The following MAGI2 variants were observed in gnomAD, a reference collection of about 807,000 sequenced individuals.
MAGI2 encodes membrane-associated guanylate kinase, WW and PDZ domain-containing protein 2.
MAGI2 carries 35 observed loss-of-function variants against 133.3 expected under a neutral mutation model. The observed-to-expected ratio is 0.26, with a 90% confidence interval of 0.20 to 0.35. The LOEUF is 0.35. MAGI2 is among the 10% of genes least tolerant of loss of function. The pLI is 1.00. For synonymous variants in MAGI2, 729 were observed against 710.6 expected (o/e 1.03, Z -0.41); for missense variants, 1,636 against 1,863.4 (o/e 0.88, Z 2.25).
At chr7:79,302,843 C>T (rs1021492079) in intron 1 of MAGI2, among the ~76,000 whole-genome samples, 2 of 152,140 alleles carry the variant, frequency 1.3e-5, no homozygotes, top group South Asian at 2.1e-4. Flanking sequence ...TCAAACACCA[C>T]ATTGCAACTG....
intron 16 of MAGI2, among the ~76,000 whole-genome samples, chr7:78,135,628 C>T (rs910497993): frequency 6.6e-6 from 1 of 152,142 alleles, no homozygotes; most frequent in Non-Finnish European, 1.5e-5. Flanking sequence ...CCCATGAGCT[C>T]ATATTCTAGG....
At chr7:78,672,264 AC>A (rs1814478028) in intron 2 of MAGI2, among the ~76,000 whole-genome samples, 1 of 151,366 alleles carries the variant, frequency 6.6e-6, no homozygotes, top group Non-Finnish European at 1.5e-5. Flanking sequence ...AGAGGCTGGG[AC>A]CTCCCCCCTC....
At chr7:78,828,394 C>A (rs879697804) in intron 2 of MAGI2, among the ~76,000 whole-genome samples, 6 of 152,106 alleles carry the variant, frequency 3.9e-5, no homozygotes, top group Non-Finnish European at 5.9e-5. Context: ...CTTCTATGGA[C>A]CTTTCTTCCC....
intron 1 of MAGI2, among the ~76,000 whole-genome samples, chr7:79,226,958 C>T (rs1272442007): frequency 6.6e-6 from 1 of 152,028 alleles, no homozygotes; most frequent in Admixed American, 6.6e-5. Flanking sequence ...AATCTCTTAA[C>T]CAATATTGAA....
At chr7:78,287,879 G>GA (rs1416834489) in intron 9 of MAGI2, among the ~76,000 whole-genome samples, 3 of 152,250 alleles carry the variant, frequency 2.0e-5, no homozygotes, top group Admixed American at 6.5e-5. Context: ...GATTCAGCAG[G>GA]AAAAAATCAG....
At chr7:78,206,829 A>G (rs1441856272) in intron 10 of MAGI2, among the ~76,000 whole-genome samples, 1 of 152,224 alleles carries the variant, frequency 6.6e-6, no homozygotes, top group Non-Finnish European at 1.5e-5. Context: ...CTGGGGAAAC[A>G]CTTTCTAGTT....
Position 78,019,882 on chromosome 7 carries a change from T to A in MAGI2, c.3801A>T (p.Pro1267=). The A allele has an allele frequency of 6.2e-7, 1 of 1,612,564 alleles. No homozygotes were observed. The highest frequency in any genetic ancestry group is 8.5e-7 in the Non-Finnish European group (1 of 1,179,530). Reference sequence around the variant, plus strand: ...GGTCGGAGGGTGGGGCTGGATGTGATGGAGAGAATGGAGCGAGGCCGTCGT... The same window carrying A: ...GGTCGGAGGGTGGGGCTGGATGTGAAGGAGAGAATGGAGCGAGGCCGTCGT... ...SLDDGLAPFS[P]SHPAPPSDPS... Residue 1267 remains proline (P), a synonymous_variant, in exon 22 of 22, where the codon CCA becomes CCT. Transcript: ENST00000354212.
chr7:78,875,657 A>G (rs2151531442), intron 2 of MAGI2, among the ~76,000 whole-genome samples: 1 of 152,332 alleles, frequency 6.6e-6, no homozygotes, highest in East Asian at 1.9e-4. Flanking sequence ...CCACTATATT[A>G]TATAAAATGA....
In MAGI2 at chr7:78,612,601, C is replaced by G. The variant is rs940699196; in HGVS notation, c.538+14519G>C. Among the ~76,000 whole-genome samples the G allele has an allele frequency of 3.3e-5, 5 of 152,214 alleles. No individual in the cohort carries two copies. The South Asian group carries it at 1.0e-3, about 32-fold the overall frequency. On this transcript the variant is annotated intron_variant, in intron 3 of 21. Coordinates refer to ENST00000354212, the MANE Select transcript of MAGI2 (RefSeq NM_012301.4). The stretch of plus-strand genomic sequence containing the variant: ...ACCAGCCTCCTAATGACAAGGGAGG[C>G]CTGGTCTCATTAACGGAATAAGGAT...
At chr7:78,413,771 A>G (rs1445713117) in intron 6 of MAGI2, among the ~76,000 whole-genome samples, 3 of 152,084 alleles carry the variant, frequency 2.0e-5, no homozygotes, top group South Asian at 2.1e-4. Flanking sequence ...ATCCTGTCAC[A>G]TGCTACACAC....
intron 21 of MAGI2, among the ~76,000 whole-genome samples, chr7:78,070,925 G>C (rs1039971912): frequency 6.6e-6 from 1 of 151,796 alleles, no homozygotes; most frequent in Non-Finnish European, 1.5e-5. Flanking sequence ...CACTCACCTC[G>C]GCCTCCCAAA....
chr7:78,877,611 T>A (rs759160761), intron 2 of MAGI2, among the ~76,000 whole-genome samples: 2 of 152,168 alleles, frequency 1.3e-5, no homozygotes, highest in Admixed American at 1.3e-4. Context: ...ATTAATCAGC[T>A]TTGCTTCACT....
At chr7:78,393,710 C>T (rs117611711) in intron 6 of MAGI2, among the ~76,000 whole-genome samples, 6,699 of 152,270 alleles carry the variant, frequency 0.044, 205 homozygotes, top group Non-Finnish European at 0.065. Context: ...CAAGGAAGAA[C>T]TGACAGAGTT....
chr7:78,083,901 A>C (rs1445755799), intron 20 of MAGI2, among the ~76,000 whole-genome samples: 2 of 152,262 alleles, frequency 1.3e-5, no homozygotes, highest in Non-Finnish European at 2.9e-5. Flanking sequence ...TAAACTCTGT[A>C]CTGTATGCAT....
At chr7:78,141,884 T>G (rs1204822455) in intron 16 of MAGI2, among the ~76,000 whole-genome samples, 1 of 152,180 alleles carries the variant, frequency 6.6e-6, no homozygotes. Flanking sequence ...TACGATTAAC[T>G]AAATGGCTGG....
chr7:78,408,337 C>A lies in MAGI2; in HGVS notation c.1046-39124G>T, dbSNP rs377413561. 9.1e-4 allele frequency among the ~76,000 whole-genome samples: 138 copies of A among 152,032 alleles called. 1 individual carries two copies. The highest frequency in any genetic ancestry group is 3.1e-3 in the African/African-American group (127 of 41,494). ...TTTTTAAGAATAAAACACATTTATA[C>A]TTTATCTGTTTCCAAGCAATTATAA... On this transcript the variant is annotated intron_variant, in intron 6 of 21. Coordinates refer to ENST00000354212, the MANE Select transcript of MAGI2 (RefSeq NM_012301.4).
intron 21 of MAGI2, among the ~76,000 whole-genome samples, chr7:78,057,926 T>C (rs549321988): frequency 6.9e-5 from 10 of 145,846 alleles, no homozygotes; most frequent in African/African-American, 2.5e-4. Flanking sequence ...AACAGATGTA[T>C]TTTACTTAGA....
chr7:78,350,055 A>G (rs1051225676), intron 7 of MAGI2: 7 of 152,234 alleles, frequency 4.6e-5, no homozygotes, highest in Non-Finnish European at 8.8e-5. Flanking sequence ...ATCTTGAGCT[A>G]TTAAAAGCTA....
chr7:78,926,625 A>T (rs1799712960), intron 2 of MAGI2, among the ~76,000 whole-genome samples: 1 of 151,958 alleles, frequency 6.6e-6, no homozygotes. Context: ...ACTTCACATA[A>T]ATTGGCCAAA....
Sources: allele counts gnomAD v4.1 joint callset (sites outside exome capture counted in the v4.1 genomes callset), GRCh38; gene constraint gnomAD v4.1.1; transcripts MANE v1.5; gene names NCBI Gene and HGNC (gene_info 2026-07-23, HGNC 2026-07-21).